The following GYPE variants were observed in gnomAD, a reference collection of about 807,000 sequenced individuals.
GYPE encodes the protein glycophorin E (MNS blood group), also known as glycophorin-E.
Under a neutral mutation model 11.6 loss-of-function variants are expected in GYPE, and 8 were observed. The observed-to-expected ratio is 0.69, with a 90% CI of 0.41 to 1.25. GYPE has a LOEUF of 1.25. Among genes scored for constraint, GYPE ranks in the 50% most tolerant of loss-of-function variants. GYPE has a pLI of 0.01. For missense variants in GYPE, 90 were observed against 92.8 expected, an observed-to-expected ratio of 0.97 and a Z score of 0.12; for synonymous variants, 28 against 29.6, an observed-to-expected ratio of 0.94 and a Z score of 0.18.
At chr4:143,901,114 T>C (rs1744850016) in intron 1 of GYPE, among the ~76,000 whole-genome samples, 1 of 152,186 alleles carries the variant, frequency 6.6e-6, no homozygotes, top group Non-Finnish European at 1.5e-5. Flanking sequence ...TAACCTGCTG[T>C]ATATAAATCT....
intron 3 of GYPE, chr4:143,873,281 G>C (rs1309623662): frequency 3.0e-6 from 1 of 335,998 alleles, no homozygotes; most frequent in Non-Finnish European, 5.8e-6. Context: ...AATAGACTTA[G>C]GTAAGACTTA....
intron 2 of GYPE, among the ~76,000 whole-genome samples, chr4:143,878,237 C>T (rs564358678): frequency 2.0e-5 from 3 of 152,240 alleles, no homozygotes; most frequent in African/African-American, 4.8e-5. Flanking sequence ...GCAATCGATC[C>T]GATCCTCCCA....
chr4:143,876,808 C>A lies in GYPE; in HGVS notation c.184G>T (p.Val62Leu), dbSNP rs1235510397. The A allele has an allele frequency of 6.2e-7, 1 of 1,611,776 alleles. No individual in the cohort carries two copies. The highest frequency in any genetic ancestry group is 1.1e-5 in the South Asian group (1 of 90,838). ...WWAMARVIFE[V>L]MLVVVGMIIL... The stretch of plus-strand genomic sequence containing the variant: ...ATCATTCCAACAACAACAAGCATCA[C>A]CTCAAAAATAACACGAGCCATCGCC... The change falls in exon 3 of 4, where the codon GTG becomes TTG. Residue 62 changes from valine to leucine, a missense_variant. By Grantham distance (32) the Val-to-Leu change is conservative. Transcript: ENST00000358615.
chr4:143,872,667 A>G (rs1305234473), intron 3 of GYPE, among the ~76,000 whole-genome samples: 2 of 152,148 alleles, frequency 1.3e-5, no homozygotes, highest in Non-Finnish European at 2.9e-5. Flanking sequence ...CTCTGAGGAT[A>G]CATCGTAAAC....
At chr4:143,890,731 A>G (rs912504556) in intron 1 of GYPE, among the ~76,000 whole-genome samples, 5 of 152,202 alleles carry the variant, frequency 3.3e-5, no homozygotes, top group African/African-American at 1.2e-4. Flanking sequence ...CAGCTACAGT[A>G]TGGGATATTA....
intron 2 of GYPE, among the ~76,000 whole-genome samples, chr4:143,877,637 T>G (rs1299903967): frequency 6.6e-6 from 1 of 152,032 alleles, no homozygotes; most frequent in Non-Finnish European, 1.5e-5. Flanking sequence ...TTAAAAGTCC[T>G]ATTATTGATA....
At chr4:143,873,472 C>CA (rs1743686029) in intron 3 of GYPE, 1 of 455,554 alleles carries the variant, frequency 2.2e-6, no homozygotes, top group African/African-American at 2.0e-5. Flanking sequence ...ACCAATAACA[C>CA]AACCTACAAG....
intron 3 of GYPE, among the ~76,000 whole-genome samples, chr4:143,875,974 T>TAA (rs879577229): frequency 1.1e-3 from 148 of 137,164 alleles, no homozygotes; most frequent in African/African-American, 3.7e-3. Context: ...AAACTCTGTC[T>TAA]AAAAAAAAAA....
intron 1 of GYPE, among the ~76,000 whole-genome samples, chr4:143,881,623 A>C (rs545817330): frequency 6.6e-6 from 1 of 152,318 alleles, no homozygotes; most frequent in African/African-American, 2.4e-5. Context: ...CTATGCTGTC[A>C]AATATTCTTC....
At chr4:143,873,369 A>G (rs1031513657) in intron 3 of GYPE, 39 of 441,436 alleles carry the variant, frequency 8.8e-5, no homozygotes, top group African/African-American at 5.9e-4. Context: ...GGTTGGCAAT[A>G]TTTGCAATCA....
intron 2 of GYPE, among the ~76,000 whole-genome samples, chr4:143,879,538 G>A (rs1276694564): frequency 6.6e-6 from 1 of 152,120 alleles, no homozygotes; most frequent in African/African-American, 2.4e-5. Context: ...ACTGTCATGA[G>A]TTACAGCTCG....
At chr4:143,875,260 C>T in intron 3 of GYPE, 2 of 552,390 alleles carry the variant, frequency 3.6e-6, no homozygotes, top group Non-Finnish European at 6.6e-6. Flanking sequence ...CTGTAATGGG[C>T]TTTACATTTT....
chr4:143,874,467 C>T (rs1044308468), intron 3 of GYPE, among the ~76,000 whole-genome samples: 1 of 152,168 alleles, frequency 6.6e-6, no homozygotes, highest in African/African-American at 2.4e-5. Flanking sequence ...AAGCAGTCAC[C>T]TTGAGAGGTA....
intron 3 of GYPE, among the ~76,000 whole-genome samples, chr4:143,874,390 C>T (rs1037807532): frequency 6.6e-6 from 1 of 152,088 alleles, no homozygotes; most frequent in East Asian, 1.9e-4. Flanking sequence ...ATCAGACCTA[C>T]CAGATTTTAT....
chr4:143,875,405 A>T (rs1439696875), intron 3 of GYPE: 11 of 1,518,146 alleles, frequency 7.2e-6, no homozygotes, highest in Non-Finnish European at 9.8e-6. Flanking sequence ...GGGTTGGGGC[A>T]TAAGCAAAGG....
At chr4:143,891,869 G>A (rs1457403820) in intron 1 of GYPE, among the ~76,000 whole-genome samples, 1 of 152,102 alleles carries the variant, frequency 6.6e-6, no homozygotes, top group East Asian at 1.9e-4. Context: ...CCAGTGGGTT[G>A]TCACTGGCAC....
At chr4:143,895,133 A>T (rs565766323) in intron 1 of GYPE, among the ~76,000 whole-genome samples, 73 of 152,248 alleles carry the variant, frequency 4.8e-4, no homozygotes, top group African/African-American at 1.5e-3. Flanking sequence ...CCTATTCAAC[A>T]TAGTATTGGA....
chr4:143,897,084 C>G (rs1744681582), intron 1 of GYPE, among the ~76,000 whole-genome samples: 1 of 151,996 alleles, frequency 6.6e-6, no homozygotes, highest in Non-Finnish European at 1.5e-5. Flanking sequence ...GTGCAGCACA[C>G]CAGCATGGCA....
chr4:143,892,002 C>T (rs1362337141), intron 1 of GYPE, among the ~76,000 whole-genome samples: 1 of 152,092 alleles, frequency 6.6e-6, no homozygotes, highest in Non-Finnish European at 1.5e-5. Context: ...GTTATTGGTC[C>T]ATTCAGAGAT....
Sources: gnomAD v4.1 joint callset for allele counts (sites outside exome capture counted in the v4.1 genomes callset) on GRCh38, gnomAD v4.1.1 for gene constraint, MANE v1.5 for transcripts, NCBI Gene and HGNC (gene_info 2026-07-23, HGNC 2026-07-21) for gene names.